UTRN: variants seen among roughly 807,000 people sequenced by gnomAD.
The protein encoded by UTRN is dystrophin-related protein 1.
In UTRN, 283 loss-of-function variants were observed where a neutral mutation model predicts 463.9. The ratio of observed to expected loss-of-function variants is 0.61; its 90% confidence interval spans 0.55 to 0.67. The LOEUF (loss-of-function observed/expected upper bound fraction) is 0.67. Among genes scored for constraint, UTRN ranks in the 30% least tolerant of loss-of-function variants. The pLI is 0.00. For synonymous variants in UTRN, 1,442 were observed against 1,431.5 expected (o/e 1.01, Z -0.17); for missense variants, 3,922 against 4,084.3 (o/e 0.96, Z 1.08).
chr6:144,592,096 GTGAATGCTTTGTAGGTCA>G (rs1803136846), intron 51 of UTRN, among the ~76,000 whole-genome samples: 1 of 152,032 alleles, frequency 6.6e-6, no homozygotes, highest in Admixed American at 6.5e-5. Context: ...TTTACACATC[GTGAATGCTTTGTAGGTCA>G]TGAATGCTTT....
chr6:144,389,365 T>G (rs1781701151), intron 2 of UTRN, among the ~76,000 whole-genome samples: 2 of 152,178 alleles, frequency 1.3e-5, no homozygotes, highest in South Asian at 4.2e-4. Context: ...TAGTGATTTT[T>G]GGGGCCCCAC....
At chr6:144,332,799 A>C (rs1036679561) in intron 2 of UTRN, among the ~76,000 whole-genome samples, 3 of 152,186 alleles carry the variant, frequency 2.0e-5, no homozygotes, top group Admixed American at 6.5e-5. Flanking sequence ...ATTTACTCTT[A>C]TCTGTGCTTT....
chr6:144,749,129 G>T (rs1237877868), intron 55 of UTRN, among the ~76,000 whole-genome samples: 1 of 152,058 alleles, frequency 6.6e-6, no homozygotes, highest in Non-Finnish European at 1.5e-5. Flanking sequence ...AGCTATGGAT[G>T]TTAGACTTAT....
Position 144,673,108 on chromosome 6 carries a change from G to A in UTRN, c.7480-5298G>A, listed in dbSNP as rs1017326663. Among the ~76,000 whole-genome samples the A allele has an allele frequency of 3.3e-5, 5 of 152,046 alleles. No homozygotes were observed. The South Asian group carries it at 1.0e-3, about 31-fold the overall frequency. On this transcript the variant is annotated intron_variant, in intron 51 of 74. Coordinates refer to ENST00000367545, the MANE Select transcript of UTRN (RefSeq NM_007124.3). ...TATGGCCTATCATATGGTCTATCTT[G>A]AAGAATGTTCCATGTGCTGATGAAA... is the stretch of plus-strand genomic sequence containing the variant.
rs1197280561 is a variant in UTRN, at chr6:144,678,450, C to T, written c.7524C>T (p.Ser2508=). 4 of 1,613,200 alleles carry T rather than the reference C, an allele frequency of 2.5e-6. No individual in the cohort carries two copies. The highest frequency in any genetic ancestry group is 3.4e-6 in the Non-Finnish European group (4 of 1,179,510). ...EIDAHNDIFK[S]IDGNRQKMVK... ...ATGCCCACAATGACATATTTAAAAG[C>T]ATTGACGGAAACAGGCAGAAGATGG... Residue 2508 remains serine, a synonymous_variant, in exon 52 of 75, where the codon AGC becomes AGT. Coordinates refer to ENST00000367545, the MANE Select transcript of UTRN (RefSeq NM_007124.3).
intron 2 of UTRN, among the ~76,000 whole-genome samples, chr6:144,383,342 A>G (rs1781106009): frequency 6.6e-6 from 1 of 152,188 alleles, no homozygotes; most frequent in African/African-American, 2.4e-5. Flanking sequence ...GTGGCACCAG[A>G]TTGAGTTAGG....
chr6:144,808,208 CTA>C (rs907914757), intron 65 of UTRN, among the ~76,000 whole-genome samples: 5 of 152,002 alleles, frequency 3.3e-5, no homozygotes, highest in East Asian at 1.9e-4. Context: ...AAAAATACCT[CTA>C]TGTGGAGAAA....
intron 2 of UTRN, among the ~76,000 whole-genome samples, chr6:144,350,280 A>G (rs546641887): frequency 6.6e-6 from 1 of 152,350 alleles, no homozygotes; most frequent in Non-Finnish European, 1.5e-5. Context: ...ATGTAATGCA[A>G]AATGAAAATT....
intron 54 of UTRN, among the ~76,000 whole-genome samples, chr6:144,746,070 G>A (rs898795951): frequency 2.7e-5 from 4 of 150,818 alleles, no homozygotes; most frequent in African/African-American, 7.3e-5. Context: ...GCACATTATC[G>A]GCTCACTGCA....
At chr6:144,509,318 A>C (rs1284117474) in intron 34 of UTRN, among the ~76,000 whole-genome samples, 2 of 151,982 alleles carry the variant, frequency 1.3e-5, no homozygotes, top group Non-Finnish European at 2.9e-5. Flanking sequence ...GTTTTTTTAC[A>C]GAGTGCTTAT....
intron 2 of UTRN, among the ~76,000 whole-genome samples, chr6:144,299,788 GA>G (rs1368274240): frequency 6.6e-6 from 1 of 151,932 alleles, no homozygotes; most frequent in Non-Finnish European, 1.5e-5. Flanking sequence ...ATCATGGTGG[GA>G]AAAAAACTCC....
chr6:144,549,624 G>A (rs1455468955), intron 47 of UTRN, among the ~76,000 whole-genome samples: 1 of 152,192 alleles, frequency 6.6e-6, no homozygotes, highest in Non-Finnish European at 1.5e-5. Flanking sequence ...CTCAGGAGAA[G>A]TACAGGCAAC....
chr6:144,375,029 T>C (rs878951498), intron 2 of UTRN, among the ~76,000 whole-genome samples: 2 of 151,486 alleles, frequency 1.3e-5, no homozygotes, highest in Admixed American at 1.3e-4. Flanking sequence ...ATCCTTTCCA[T>C]GTTTTCTCCC....
At position 144,514,643 on chromosome 6, in the gene UTRN, T is replaced by A. The variant is rs13194197; in HGVS notation, c.5074-7T>A. ...CATGAGATAATTTTGTGTTTTCTTA[T>A]AATTAGCGTTTAGTATCTGAGCTGG... On this transcript the variant is annotated splice_region_variant and splice_polypyrimidine_tract_variant and intron_variant, in intron 36 of 74. Transcript: ENST00000367545. 6.2e-6 allele frequency: 10 copies of A among 1,611,800 alleles called. No individual in the cohort carries two copies. In the African/African-American group the frequency reaches 1.2e-4, roughly 19 times the overall value.
chr6:144,335,591 C>T lies in UTRN; in HGVS notation c.79+43684C>T, dbSNP rs1028475279. ...CACTTGCCTTGCCTGGCCTGGGAAC[C>T]GGCTCTTTCACTGCTGTACTGCATG... On this transcript the variant is annotated intron_variant, in intron 2 of 74. Coordinates refer to ENST00000367545, the MANE Select transcript of UTRN (RefSeq NM_007124.3). Among the ~76,000 whole-genome samples the T allele has an allele frequency of 4.2e-4, 64 of 152,312 alleles. 1 individual carries two copies. The highest frequency in any genetic ancestry group is 2.0e-4 in the Admixed American group (3 of 15,294).
rs769747446 is a variant in UTRN, at chr6:144,835,824, G to A, written c.9710G>A (p.Gly3237Glu). ...ALIQQYCQTL[G>E]GESPVSQPQS... ...ATCCAGCAGTATTGCCAAACACTCG[G>A]AGGAGAGTCCCCAGTGAGCCAGCCG... The change falls in exon 70 of 75, where the codon GGA (glycine) becomes GAA (glutamate). Residue 3237 changes from glycine (G) to glutamate (E), a missense_variant. By Grantham distance (98) the Gly-to-Glu change is moderately conservative (BLOSUM62 -2). Around this residue, in one of 3 missense-constraint regions of UTRN, gnomAD observed 1,309 missense variants for 1,452.6 expected, o/e 0.90. Coordinates refer to ENST00000367545, the MANE Select transcript of UTRN (RefSeq NM_007124.3). 7 of 1,614,102 alleles carry A rather than the reference G, an allele frequency of 4.3e-6. No individual in the cohort carries two copies. In the Admixed American group the frequency reaches 1.2e-4, roughly 27 times the overall value.
chr6:144,827,611 C>T lies in UTRN; in HGVS notation c.9534C>T (p.Asp3178=). 6 of 1,613,286 alleles carry T rather than the reference C, an allele frequency of 3.7e-6. No homozygotes were observed. The highest frequency in any genetic ancestry group is 4.2e-6 in the Non-Finnish European group (5 of 1,179,664). The change falls in exon 68 of 75, where the codon GAC becomes GAT. Residue 3178 remains aspartate, a splice_region_variant and synonymous_variant. Transcript: ENST00000367545. ...ATTGCTTTGTTTTTTTCTTTTAAAG[C>T]CCCTCACAATCTCCTCAACTGTTTC... is the stretch of plus-strand genomic sequence containing the variant. ...TLISMWPEHY[D]PSQSPQLFHD... is the part of the protein sequence containing the mutation.
chr6:144,379,971 G>A (rs1780768741), intron 2 of UTRN, among the ~76,000 whole-genome samples: 1 of 152,184 alleles, frequency 6.6e-6, no homozygotes, highest in African/African-American at 2.4e-5. Context: ...TTTTCAGGCA[G>A]GGAGTGTTCT....
At chr6:144,540,163 T>C (rs1328476325) in intron 45 of UTRN, among the ~76,000 whole-genome samples, 1 of 152,136 alleles carries the variant, frequency 6.6e-6, no homozygotes, top group East Asian at 1.9e-4. Context: ...TAGGTTCCAG[T>C]GAAATGTAAT....
Sources: allele counts gnomAD v4.1 joint callset (sites outside exome capture counted in the v4.1 genomes callset), GRCh38; gene constraint gnomAD v4.1.1; regional missense constraint gnomAD v4.1.1; transcripts MANE v1.5; gene names NCBI Gene and HGNC (gene_info 2026-07-23, HGNC 2026-07-21).